Variants in SETX observed in about 807,000 individuals in gnomAD.
SETX encodes helicase senataxin.
SETX carries 90 observed loss-of-function variants against 227.2 expected under a neutral mutation model. The observed-to-expected ratio is 0.40, with a 90% CI of 0.33 to 0.47. SETX has a LOEUF of 0.47. Ranked by LOEUF, SETX falls within the 20% of genes least tolerant of loss-of-function variation. The pLI is 0.91. For missense variants in SETX, 3,052 were observed against 3,181.5 expected (o/e 0.96, Z 0.98); for synonymous variants, 1,210 against 1,113.2 (o/e 1.09, Z -1.73).
Position 132,273,342 on chromosome 9 carries a change from T to C in SETX, c.7101-1534A>G, listed in dbSNP as rs529469274. Among the ~76,000 whole-genome samples, 11 of 152,270 alleles carry C rather than the reference T, an allele frequency of 7.2e-5. No homozygotes were observed. The South Asian group carries it at 2.3e-3, about 32-fold the overall frequency. ...CATGCCCAACTGATTTTTGTATAAT[T>C]AGTAGAGACAAGATTTTACCATGTT... On this transcript the variant is annotated intron_variant, in intron 23 of 25. Transcript: ENST00000224140.
intron 15 of SETX, among the ~76,000 whole-genome samples, chr9:132,293,819 G>A (rs915899520): frequency 1.3e-4 from 20 of 152,060 alleles, no homozygotes; most frequent in Admixed American, 2.6e-4. Flanking sequence ...TCAGGAGATC[G>A]AGACCATCCT....
At chr9:132,309,179 G>A (rs1159130018) in intron 11 of SETX, among the ~76,000 whole-genome samples, 2 of 152,084 alleles carry the variant, frequency 1.3e-5, no homozygotes, top group Non-Finnish European at 2.9e-5. Flanking sequence ...AGGAGGACTT[G>A]CTCTGTGAGT....
intron 2 of SETX, among the ~76,000 whole-genome samples, chr9:132,350,048 AAGG>A (rs1848521865): frequency 6.6e-6 from 1 of 152,184 alleles, no homozygotes. Flanking sequence ...GAAAGGTTAG[AAGG>A]AGGTTAAAAA....
At chr9:132,299,640 A>G (rs1179709498) in intron 12 of SETX, among the ~76,000 whole-genome samples, 1 of 152,228 alleles carries the variant, frequency 6.6e-6, no homozygotes, top group Non-Finnish European at 1.5e-5. Flanking sequence ...AAAAGTTGCA[A>G]TTGCCAAAAA....
Position 132,271,693 on chromosome 9 carries a change from C to T in SETX, c.7199+17G>A, listed in dbSNP as rs768161524. On this transcript the variant is annotated intron_variant, in intron 24 of 25. Transcript: ENST00000224140. ...AATGTATACAAGTATAAAAGAGCAACAATGACAGTAACTCACCCAATTGAA... is the reference window on the plus strand; with the variant it reads ...AATGTATACAAGTATAAAAGAGCAATAATGACAGTAACTCACCCAATTGAA... The T allele has an allele frequency of 8.1e-6, 13 of 1,595,620 alleles. No homozygotes were observed. The highest frequency in any genetic ancestry group is 1.1e-5 in the Non-Finnish European group (13 of 1,163,286).
At chr9:132,296,579 A>G (rs1261642958) in intron 14 of SETX, among the ~76,000 whole-genome samples, 8 of 151,752 alleles carry the variant, frequency 5.3e-5, no homozygotes, top group African/African-American at 1.2e-4. Context: ...AAAACAAAAA[A>G]CCACAATCCA....
chr9:132,275,094 C>A (rs923696290), intron 23 of SETX, 162 bp downstream of exon 23: 3 of 710,890 alleles, frequency 4.2e-6, no homozygotes, highest in Admixed American at 4.7e-5. Context: ...CCAGGAGCCA[C>A]ACAGCACAAG....
intron 22 of SETX, 34 bp from the exon 23 acceptor site, chr9:132,275,454 T>C: frequency 6.4e-7 from 1 of 1,554,904 alleles, no homozygotes; most frequent in South Asian, 1.1e-5. Flanking sequence ...CACAGTGTTA[T>C]CAAAACTAAT....
At chr9:132,352,529 G>A (rs908574721) in intron 2 of SETX, among the ~76,000 whole-genome samples, 1 of 152,142 alleles carries the variant, frequency 6.6e-6, no homozygotes, top group Non-Finnish European at 1.5e-5. Context: ...AGGCGTGAGG[G>A]ATCACGAGGT....
intron 12 of SETX, among the ~76,000 whole-genome samples, chr9:132,299,368 G>A (rs1166232656): frequency 4.6e-5 from 7 of 152,280 alleles, no homozygotes; most frequent in Middle Eastern, 3.4e-3. Flanking sequence ...TTCAGGGAAT[G>A]AGACTGCCTT....
At position 132,275,530 on chromosome 9, in the gene SETX, T is replaced by C. The variant is rs144331722; in HGVS notation, c.6936-110A>G. The C allele has an allele frequency of 1.3e-3, 1,169 of 895,270 alleles. 10 individuals carry two copies. The African/African-American group carries it at 0.016, about 12-fold the overall frequency. The allele number at this position is 895,270 out of a possible 1,614,324, so 55.5% of individuals were successfully genotyped here. On this transcript the variant is annotated intron_variant, in intron 22 of 25. Coordinates refer to ENST00000224140, the MANE Select transcript of SETX (RefSeq NM_015046.7). Reference sequence around the variant, plus strand: ...CCCATTATAGTAAAGGGCAGGCAGATAGGCTTCATCTTTTATTCAGCTAGC... The same window carrying C: ...CCCATTATAGTAAAGGGCAGGCAGACAGGCTTCATCTTTTATTCAGCTAGC...
Position 132,261,584 on chromosome 9 carries a change from T to C in SETX, c.*2655A>G, listed in dbSNP as rs1842416554. On this transcript the variant is annotated 3_prime_UTR_variant, in exon 26 of 26. Coordinates refer to ENST00000224140, the MANE Select transcript of SETX (RefSeq NM_015046.7). ...AGGGCTGTTTGCCAAATCGCAGCTA[T>C]TAATTCACAGCATAGAAAAGTCAAA... The C allele has an allele frequency of 6.5e-6, 1 of 152,790 alleles. No homozygotes were observed. The highest frequency in any genetic ancestry group is 1.5e-5 in the Non-Finnish European group (1 of 68,154). 9.5% of individuals were successfully genotyped at this position (152,790 alleles called of 1,614,324 possible). A position where few individuals can be genotyped will look rare whatever the true frequency, so the allele number is the denominator to read the frequency against.
At chr9:132,298,963 A>G (rs867994634) in intron 12 of SETX, among the ~76,000 whole-genome samples, 2 of 152,208 alleles carry the variant, frequency 1.3e-5, no homozygotes, top group Admixed American at 6.5e-5. Context: ...CTTACCTCAG[A>G]ACAAAGAATA....
Position 132,327,676 on chromosome 9 carries a change from C to G in SETX, c.3922G>C (p.Ala1308Pro). Residue 1308 changes from alanine to proline, a missense_variant, in exon 10 of 26, where the codon GCT (alanine) becomes CCT (proline). Physicochemically the swap from Ala to Pro is conservative, Grantham distance 27. This residue lies in a region of SETX where 1,483 missense variants were observed against 1,312.0 expected (regional missense o/e 1.13). Transcript: ENST00000224140. The part of the protein sequence containing the change: ...ELSQRSLDYV[A>P]QLRDHGKTVG... ...GTTTTGCCATGATCACGTAATTGAGCTACATAATCCAAAGACCGCTGGGAC... is the reference window on the plus strand; with the variant it reads ...GTTTTGCCATGATCACGTAATTGAGGTACATAATCCAAAGACCGCTGGGAC... 6.2e-7 allele frequency: 1 copy of G among 1,613,780 alleles called. No homozygotes were observed. The highest frequency in any genetic ancestry group is 8.5e-7 in the Non-Finnish European group (1 of 1,179,912).
intron 17 of SETX, among the ~76,000 whole-genome samples, chr9:132,287,851 C>T (rs972921711): frequency 2.0e-5 from 3 of 151,602 alleles, no homozygotes; most frequent in Non-Finnish European, 4.4e-5. Flanking sequence ...TGAATCATGC[C>T]ATTCCCCAAT....
intron 18 of SETX, among the ~76,000 whole-genome samples, chr9:132,285,802 C>A (rs1843832176): frequency 6.7e-6 from 1 of 149,812 alleles, no homozygotes; most frequent in South Asian, 2.1e-4. Flanking sequence ...ATCACTTGAA[C>A]CTGGGAGGCA....
intron 15 of SETX, among the ~76,000 whole-genome samples, chr9:132,289,618 A>G (rs1009070486): frequency 7.2e-5 from 11 of 152,186 alleles, no homozygotes; most frequent in African/African-American, 2.7e-4. Context: ...TTATATATTA[A>G]TATGTAATTT....
rs574796485 is a variant in SETX at position 132,267,320 on chromosome 9, T to G, written c.7287+2295A>C. ...CAGTTCTCTTTCTCACTCAGATCTC[T>G]AGAGATCCTTAGCCTGTGGCTCAAA... On this transcript the variant is annotated intron_variant, in intron 25 of 25. Transcript: ENST00000224140. Among the ~76,000 whole-genome samples the G allele has an allele frequency of 5.3e-5, 8 of 152,354 alleles. 1 individual carries two copies. The highest frequency in any genetic ancestry group is 1.4e-4 in the African/African-American group (6 of 41,592).
rs1199659912 is a variant in SETX, at chr9:132,330,324, C to G, written c.1274G>C (p.Gly425Ala). ...AACAACCTGTGCTATGTAAGCCACACCCAAATCCTTAAGATCCATGAGGGA... is the reference window on the plus strand; with the variant it reads ...AACAACCTGTGCTATGTAAGCCACAGCCAAATCCTTAAGATCCATGAGGGA... ...VQSLMDLKDL[G>A]VAYIAQVVNH... The change falls in exon 10 of 26, where the codon GGT (glycine) becomes GCT (alanine). Residue 425 changes from glycine to alanine, a missense_variant. Gly to Ala is a moderately conservative substitution (Grantham distance 60, BLOSUM62 0). Coordinates refer to ENST00000224140, the MANE Select transcript of SETX (RefSeq NM_015046.7). 6.2e-7 allele frequency: 1 copy of G among 1,613,002 alleles called. No individual in the cohort carries two copies. The highest frequency in any genetic ancestry group is 8.5e-7 in the Non-Finnish European group (1 of 1,179,116).
Sources: gnomAD v4.1 joint callset for allele counts (sites outside exome capture counted in the v4.1 genomes callset) on GRCh38, gnomAD v4.1.1 for gene constraint, gnomAD v4.1.1 regional missense constraint, MANE v1.5 for transcripts, NCBI Gene and HGNC (gene_info 2026-07-23, HGNC 2026-07-21) for gene names.